The following RAD51B variants were observed in gnomAD, a reference collection of about 807,000 sequenced individuals.
RAD51B encodes the protein RAD51 paralog B.
In RAD51B, 38 loss-of-function variants were observed where a neutral mutation model predicts 42.2. That is an observed-to-expected ratio of 0.90 (90% CI 0.70 to 1.18). The LOEUF (loss-of-function observed/expected upper bound fraction) is 1.18. Ranked by LOEUF, RAD51B falls within the 50% of genes most tolerant of loss-of-function variation. The probability of loss-of-function intolerance (pLI) is 0.00; values close to 1 mark genes in which losing one functional copy is unlikely to be tolerated. For synonymous variants in RAD51B, 154 were observed against 145.2 expected, an observed-to-expected ratio of 1.06 and a Z score of -0.43; for missense variants, 373 against 400.7, an observed-to-expected ratio of 0.93 and a Z score of 0.59.
intron 7 of RAD51B, among the ~76,000 whole-genome samples, chr14:68,085,731 T>A (rs1760755879): frequency 6.6e-6 from 1 of 152,158 alleles, no homozygotes; most frequent in South Asian, 2.1e-4. Context: ...CATACTTTCA[T>A]GCATTCTGGC....
At chr14:68,604,516 C>T (rs553885392) in intron 10 of RAD51B, among the ~76,000 whole-genome samples, 26 of 152,322 alleles carry the variant, frequency 1.7e-4, no homozygotes, top group Non-Finnish European at 1.5e-5. Context: ...TGTGCTTAAC[C>T]AGGTGCCCCA....
intron 9 of RAD51B, among the ~76,000 whole-genome samples, chr14:68,452,055 T>A (rs112418222): frequency 6.6e-6 from 1 of 152,196 alleles, no homozygotes; most frequent in African/African-American, 2.4e-5. Context: ...CATTTTCTAA[T>A]GGGCCTGGAC....
chr14:68,135,717 A>G (rs1400944750), intron 7 of RAD51B, among the ~76,000 whole-genome samples: 1 of 152,190 alleles, frequency 6.6e-6, no homozygotes, highest in East Asian at 1.9e-4. Context: ...GGGAGTGGTT[A>G]CATTCCATTA....
intron 10 of RAD51B, among the ~76,000 whole-genome samples, chr14:68,559,600 G>T (rs886885459): frequency 2.6e-5 from 4 of 151,860 alleles, no homozygotes; most frequent in African/African-American, 4.8e-5. Context: ...GGCTGGTCTC[G>T]AACTCCTGAC....
intron 7 of RAD51B, among the ~76,000 whole-genome samples, chr14:68,175,275 T>A (rs2078942915): frequency 6.6e-6 from 1 of 152,192 alleles, no homozygotes; most frequent in African/African-American, 2.4e-5. Context: ...GGTATGTTTA[T>A]AAAAGAAATA....
intron 8 of RAD51B, among the ~76,000 whole-genome samples, chr14:68,363,742 AGT>A (rs1027189101): frequency 1.3e-5 from 2 of 151,874 alleles, no homozygotes; most frequent in African/African-American, 4.8e-5. Flanking sequence ...GGGGAGTGGG[AGT>A]GTGTGTGCAC....
chr14:68,492,737 A>G (rs191921542), intron 10 of RAD51B, among the ~76,000 whole-genome samples: 1 of 152,358 alleles, frequency 6.6e-6, no homozygotes. Context: ...GTCTGTGCCT[A>G]GTGAACTATA....
At chr14:68,431,064 T>C (rs1235802243) in intron 9 of RAD51B, among the ~76,000 whole-genome samples, 1 of 152,164 alleles carries the variant, frequency 6.6e-6, no homozygotes, top group African/African-American at 2.4e-5. Context: ...TATTGATTTT[T>C]GTATGTTGAA....
chr14:68,320,844 T>C (rs1157213909), intron 8 of RAD51B, among the ~76,000 whole-genome samples: 1 of 152,172 alleles, frequency 6.6e-6, no homozygotes, highest in Non-Finnish European at 1.5e-5. Context: ...AGTATCCCAA[T>C]AGCATTTCTT....
At chr14:68,073,887 A>G (rs2076792506) in intron 7 of RAD51B, among the ~76,000 whole-genome samples, 1 of 152,138 alleles carries the variant, frequency 6.6e-6, no homozygotes, top group Admixed American at 6.5e-5. Context: ...TTCTGCTGAA[A>G]AGTCTACTGT....
chr14:68,089,077 T>C (rs1384414618), intron 7 of RAD51B, among the ~76,000 whole-genome samples: 1 of 152,050 alleles, frequency 6.6e-6, no homozygotes, highest in African/African-American at 2.4e-5. Context: ...CCATCATTAT[T>C]TTTTTTTCCT....
intron 7 of RAD51B, among the ~76,000 whole-genome samples, chr14:68,257,004 A>G (rs892294690): frequency 6.6e-6 from 1 of 152,236 alleles, no homozygotes; most frequent in Non-Finnish European, 1.5e-5. Flanking sequence ...ATTTTTAAAA[A>G]GGCAATTACA....
chr14:68,432,984 A>G (rs2085051206), intron 9 of RAD51B, among the ~76,000 whole-genome samples: 1 of 152,204 alleles, frequency 6.6e-6, no homozygotes, highest in South Asian at 2.1e-4. Context: ...TCTGTAAAGT[A>G]TTTTATTTTT....
At chr14:68,335,315 A>C (rs2082432883) in intron 8 of RAD51B, among the ~76,000 whole-genome samples, 1 of 19,444 alleles carries the variant, frequency 5.1e-5, no homozygotes, top group Admixed American at 5.6e-4. Flanking sequence ...AAAAAAAAAG[A>C]AAAGAAAAAA....
intron 10 of RAD51B, among the ~76,000 whole-genome samples, chr14:68,527,439 C>A (rs1445888750): frequency 6.6e-6 from 1 of 152,228 alleles, no homozygotes; most frequent in Non-Finnish European, 1.5e-5. Flanking sequence ...ACCAACTGAG[C>A]TGATGTCAGA....
intron 8 of RAD51B, among the ~76,000 whole-genome samples, chr14:68,379,205 A>C (rs1258568650): frequency 6.6e-6 from 1 of 152,244 alleles, no homozygotes; most frequent in Non-Finnish European, 1.5e-5. Flanking sequence ...TTCCTGGTAC[A>C]TAAAGGAACT....
intron 10 of RAD51B, among the ~76,000 whole-genome samples, chr14:68,625,391 G>A (rs1026894700): frequency 2.0e-5 from 3 of 152,120 alleles, no homozygotes; most frequent in East Asian, 1.9e-4. Flanking sequence ...ATGAAGGACC[G>A]CCTCCCAAGC....
At chr14:67,849,146 A>G (rs1409118669) in intron 4 of RAD51B, among the ~76,000 whole-genome samples, 1 of 152,226 alleles carries the variant, frequency 6.6e-6, no homozygotes, top group East Asian at 1.9e-4. Context: ...TATTCCATCA[A>G]GTATGTTTTC....
Position 67,824,682 on chromosome 14 carries a change from G to A in RAD51B, c.85-782G>A, listed in dbSNP as rs550794554. ...TTTAATTATTTGCATATTTATACTC[G>A]GAAACATTCTTAAAAGTATGAAATT... On this transcript the variant is annotated intron_variant, in intron 2 of 10. Transcript: ENST00000471583. Among the ~76,000 whole-genome samples, 9 of 151,662 alleles carry A rather than the reference G, an allele frequency of 5.9e-5. No homozygotes were observed. The East Asian group carries it at 1.2e-3, about 20-fold the overall frequency.
Sources: gnomAD v4.1 joint callset for allele counts (sites outside exome capture counted in the v4.1 genomes callset) on GRCh38, gnomAD v4.1.1 for gene constraint, MANE v1.5 for transcripts, NCBI Gene and HGNC (gene_info 2026-07-23, HGNC 2026-07-21) for gene names.